SPECC1: variants seen among roughly 807,000 people sequenced by gnomAD.
The protein encoded by SPECC1 is sperm antigen with calponin homology and coiled-coil domains 1, also known as cytospin-B.
Under a neutral mutation model 104.1 loss-of-function variants are expected in SPECC1, and 62 were observed. That is an observed-to-expected ratio of 0.60 (90% confidence interval 0.49 to 0.74). The LOEUF is 0.74. Ranked by LOEUF, SPECC1 falls within the 30% of genes least tolerant of loss-of-function variation. The pLI is 0.00. For synonymous variants in SPECC1, 513 were observed against 501.6 expected (o/e 1.02, Z -0.30); for missense variants, 1,306 against 1,310.5 (o/e 1.00, Z 0.05).
intron 3 of SPECC1, among the ~76,000 whole-genome samples, chr17:20,178,056 T>A (rs1215958352): frequency 1.3e-5 from 2 of 152,138 alleles, no homozygotes; most frequent in African/African-American, 4.8e-5. Flanking sequence ...TGTCTTGCCC[T>A]GTCACCCAGG....
At chr17:20,085,776 C>T (rs1411273753) in intron 1 of SPECC1, among the ~76,000 whole-genome samples, 1 of 150,570 alleles carries the variant, frequency 6.6e-6, no homozygotes, top group Admixed American at 6.6e-5. Flanking sequence ...CCAGAACTCA[C>T]GGTGCTCTGA....
intron 3 of SPECC1, among the ~76,000 whole-genome samples, chr17:20,175,874 T>A (rs2034438009): frequency 6.6e-6 from 1 of 152,222 alleles, no homozygotes; most frequent in Non-Finnish European, 1.5e-5. Flanking sequence ...TTCTCCTGTG[T>A]CATGCCAAGG....
At chr17:20,024,155 A>G (rs1275702895) in intron 1 of SPECC1, among the ~76,000 whole-genome samples, 6 of 152,242 alleles carry the variant, frequency 3.9e-5, no homozygotes, top group Admixed American at 1.3e-4. Context: ...GGGTAGCTAT[A>G]TAATCGTCTT....
intron 3 of SPECC1, among the ~76,000 whole-genome samples, chr17:20,148,856 A>G (rs1323050257): frequency 3.3e-5 from 5 of 152,100 alleles, no homozygotes; most frequent in East Asian, 1.9e-4. Flanking sequence ...AGTAGCCGAG[A>G]TTACAGGCAC....
At chr17:20,080,145 C>A (rs1017095905) in intron 1 of SPECC1, among the ~76,000 whole-genome samples, 2 of 152,104 alleles carry the variant, frequency 1.3e-5, no homozygotes, top group African/African-American at 4.8e-5. Context: ...TGAAATGATG[C>A]TAAATTTAAA....
At position 20,166,418 on chromosome 17, in the gene SPECC1, A is replaced by G. The variant is rs116777370; in HGVS notation, c.284-37915A>G. Reference sequence around the variant, plus strand: ...CTGGTCACTCTGTGATCGTAATGCAATAAAACTGTAAATAATGAAAGTTGA... The same window carrying G: ...CTGGTCACTCTGTGATCGTAATGCAGTAAAACTGTAAATAATGAAAGTTGA... On this transcript the variant is annotated intron_variant, in intron 3 of 14. Transcript: ENST00000395527. 1.9e-3 allele frequency among the ~76,000 whole-genome samples: 288 copies of G among 152,332 alleles called. 1 individual carries two copies. The highest frequency in any genetic ancestry group is 6.3e-3 in the African/African-American group (262 of 41,564).
Position 20,282,547 on chromosome 17 carries a change from T to C in SPECC1, c.2941-14414T>C, listed in dbSNP as rs889866241. On this transcript the variant is annotated intron_variant, in intron 12 of 14. Coordinates refer to ENST00000395527, the MANE Select transcript of SPECC1 (RefSeq NM_001243439.2). ...TTGAACTTAACAAAGTAATTAAAAA[T>C]TCACCTGGAAGAATAAGCAACTAAG... Among the ~76,000 whole-genome samples the C allele has an allele frequency of 7.2e-5, 11 of 152,298 alleles. 1 individual carries two copies. In the South Asian group the frequency reaches 1.9e-3, roughly 26 times the overall value.
intron 3 of SPECC1, among the ~76,000 whole-genome samples, chr17:20,135,284 C>A (rs2049859353): frequency 6.6e-6 from 1 of 152,078 alleles, no homozygotes; most frequent in South Asian, 2.1e-4. Flanking sequence ...TTGATACTTC[C>A]CTCTTCCCCC....
intron 4 of SPECC1, among the ~76,000 whole-genome samples, chr17:20,222,531 C>G (rs2037948783): frequency 6.6e-6 from 1 of 152,094 alleles, no homozygotes; most frequent in Non-Finnish European, 1.5e-5. Context: ...GTCTTATTAA[C>G]TTTTTGTTGT....
chr17:20,100,282 G>A (rs572636164), intron 2 of SPECC1, among the ~76,000 whole-genome samples: 34 of 152,214 alleles, frequency 2.2e-4, no homozygotes, highest in African/African-American at 7.7e-4. Context: ...CCCTGGTTCT[G>A]TTCCTCTGAT....
intron 3 of SPECC1, among the ~76,000 whole-genome samples, chr17:20,192,749 A>G (rs1194490610): frequency 2.6e-5 from 4 of 152,198 alleles, no homozygotes; most frequent in Non-Finnish European, 4.4e-5. Context: ...TTCTGTGTGT[A>G]GTATGGATAT....
chr17:20,036,406 A>T (rs554985069), intron 1 of SPECC1, among the ~76,000 whole-genome samples: 1 of 152,328 alleles, frequency 6.6e-6, no homozygotes, highest in East Asian at 1.9e-4. Context: ...CTGGGATTAC[A>T]GGTATGAGCC....
intron 3 of SPECC1, among the ~76,000 whole-genome samples, chr17:20,119,547 T>A (rs2048926206): frequency 6.6e-6 from 1 of 152,246 alleles, no homozygotes; most frequent in Non-Finnish European, 1.5e-5. Context: ...CTTTTATTTT[T>A]AAATGTCAGT....
rs750287426 is a variant in SPECC1, at chr17:20,253,509, A to G, written c.2603A>G (p.His868Arg). Reference protein sequence around the residue: ...PAAAVSPMQRHSTYSSVRPAS... With the variant: ...PAAAVSPMQRRSTYSSVRPAS... ...GTGTCCCCCTGGTTTTTACAGAGGC[A>G]TTCGACTTACAGCAGTGTGCGGCCA... The change falls in exon 10 of 15, where the codon CAT (histidine) becomes CGT (arginine). Residue 868 changes from histidine to arginine, a missense_variant. Transcript: ENST00000395527. 34 of 1,613,784 alleles carry G rather than the reference A, an allele frequency of 2.1e-5. No individual in the cohort carries two copies. The highest frequency in any genetic ancestry group is 2.8e-5 in the Non-Finnish European group (33 of 1,180,022).
intron 4 of SPECC1, among the ~76,000 whole-genome samples, chr17:20,216,886 T>C (rs932048525): frequency 6.6e-6 from 1 of 151,876 alleles, no homozygotes; most frequent in African/African-American, 2.4e-5. Flanking sequence ...CAGTCAGACA[T>C]GTTGGGTGGT....
At chr17:20,186,048 G>T (rs368615945) in intron 3 of SPECC1, among the ~76,000 whole-genome samples, 208 of 152,268 alleles carry the variant, frequency 1.4e-3, no homozygotes, top group African/African-American at 4.9e-3. Flanking sequence ...ATGTTGGTCA[G>T]GCTGGTCTCG....
chr17:20,196,157 T>C (rs1007696365), intron 3 of SPECC1, among the ~76,000 whole-genome samples: 1 of 152,240 alleles, frequency 6.6e-6, no homozygotes, highest in African/African-American at 2.4e-5. Context: ...AAAAAACCCA[T>C]ATTCCCATGC....
chr17:20,063,925 A>G (rs114807928), intron 1 of SPECC1, among the ~76,000 whole-genome samples: 209 of 152,356 alleles, frequency 1.4e-3, no homozygotes, highest in African/African-American at 4.0e-3. Context: ...GAATAAAACA[A>G]TCACTTAGAG....
chr17:20,204,308 A>AT (rs1241084854), intron 3 of SPECC1, 25 bp from the exon 4 acceptor site: 2 of 1,579,354 alleles, frequency 1.3e-6, no homozygotes, highest in East Asian at 2.2e-5. Context: ...TTATTTTTTC[A>AT]TTTTTTTCTT....
Sources: allele counts gnomAD v4.1 joint callset (sites outside exome capture counted in the v4.1 genomes callset), GRCh38; gene constraint gnomAD v4.1.1; transcripts MANE v1.5; gene names NCBI Gene and HGNC (gene_info 2026-07-23, HGNC 2026-07-21).